Variants in KCNH7 observed in about 807,000 individuals in gnomAD.
The protein encoded by KCNH7 is voltage-gated inwardly rectifying potassium channel KCNH7.
A neutral mutation model predicts 120.8 loss-of-function variants in KCNH7; 49 were observed. That is an observed-to-expected ratio of 0.41 (90% CI 0.32 to 0.51). The LOEUF is 0.51. Among genes scored for constraint, KCNH7 ranks in the 20% least tolerant of loss-of-function variants. KCNH7 has a pLI of 0.38. For missense variants in KCNH7, 1,097 were observed against 1,446.6 expected (o/e 0.76, Z 3.92); for synonymous variants, 547 against 516.1 (o/e 1.06, Z -0.81).
intron 2 of KCNH7, among the ~76,000 whole-genome samples, chr2:162,635,440 C>T (rs1285659221): frequency 3.3e-5 from 5 of 151,960 alleles, no homozygotes; most frequent in Admixed American, 2.6e-4. Context: ...GTAATCATTG[C>T]TTATTCCAGA....
At chr2:162,433,411 G>T (rs926595996) in intron 8 of KCNH7, among the ~76,000 whole-genome samples, 1 of 151,914 alleles carries the variant, frequency 6.6e-6, no homozygotes, top group Non-Finnish European at 1.5e-5. Flanking sequence ...AAACAGCATG[G>T]TACTGGTACA....
intron 2 of KCNH7, among the ~76,000 whole-genome samples, chr2:162,730,570 A>G (rs1687688846): frequency 6.6e-6 from 1 of 152,062 alleles, no homozygotes; most frequent in East Asian, 1.9e-4. Flanking sequence ...AATTAAGACA[A>G]TGGAAGTAAC....
intron 6 of KCNH7, among the ~76,000 whole-genome samples, chr2:162,484,430 C>A (rs1690027319): frequency 1.3e-5 from 2 of 152,110 alleles, no homozygotes; most frequent in African/African-American, 4.8e-5. Flanking sequence ...CAAACAATTG[C>A]TTTAAGACAG....
At chr2:162,386,196 C>T (rs139091087) in intron 12 of KCNH7, among the ~76,000 whole-genome samples, 162 of 152,004 alleles carry the variant, frequency 1.1e-3, no homozygotes, top group African/African-American at 3.8e-3. Context: ...TATATCCCTA[C>T]TCAATCACTA....
intron 2 of KCNH7, among the ~76,000 whole-genome samples, chr2:162,684,559 CA>C (rs1472391622): frequency 6.6e-6 from 1 of 152,104 alleles, no homozygotes; most frequent in Non-Finnish European, 1.5e-5. Context: ...AGACACTTCT[CA>C]AAAGAAGACA....
chr2:162,648,476 T>C (rs530493231), intron 2 of KCNH7, among the ~76,000 whole-genome samples: 4 of 152,284 alleles, frequency 2.6e-5, no homozygotes, highest in Non-Finnish European at 5.9e-5. Flanking sequence ...CCAAACCATA[T>C]CAACCACATC....
chr2:162,451,887 GC>G (rs1384320457), intron 6 of KCNH7, among the ~76,000 whole-genome samples: 2 of 151,934 alleles, frequency 1.3e-5, no homozygotes, highest in Non-Finnish European at 2.9e-5. Flanking sequence ...GTAGAAGCAG[GC>G]CAGCCCAGAT....
intron 4 of KCNH7, among the ~76,000 whole-genome samples, chr2:162,514,078 A>G (rs936139165): frequency 1.3e-5 from 2 of 151,828 alleles, no homozygotes; most frequent in Admixed American, 1.3e-4. Flanking sequence ...TCTGTTCAGC[A>G]TTTTGTTGAT....
chr2:162,431,570 A>T (rs1688070350), intron 8 of KCNH7, among the ~76,000 whole-genome samples: 1 of 151,910 alleles, frequency 6.6e-6, no homozygotes, highest in Non-Finnish European at 1.5e-5. Context: ...GTTCTCCAGG[A>T]GTACCTATAA....
At chr2:162,787,295 C>T (rs1416491587) in intron 2 of KCNH7, among the ~76,000 whole-genome samples, 1 of 152,212 alleles carries the variant, frequency 6.6e-6, no homozygotes, top group African/African-American at 2.4e-5. Flanking sequence ...TCCAGACTCA[C>T]CTTAGTGTCA....
intron 9 of KCNH7, among the ~76,000 whole-genome samples, chr2:162,420,453 C>T (rs955396203): frequency 2.6e-5 from 4 of 152,088 alleles, no homozygotes; most frequent in Non-Finnish European, 4.4e-5. Flanking sequence ...ATTATTCTGG[C>T]CCATTTCCTT....
chr2:162,486,487 T>C (rs1690097457), intron 6 of KCNH7, among the ~76,000 whole-genome samples: 1 of 152,186 alleles, frequency 6.6e-6, no homozygotes, highest in South Asian at 2.1e-4. Context: ...GAAATATATG[T>C]GGCATTTCTT....
chr2:162,505,145 C>A (rs1690826818), intron 5 of KCNH7, among the ~76,000 whole-genome samples: 1 of 151,856 alleles, frequency 6.6e-6, no homozygotes, highest in African/African-American at 2.4e-5. Context: ...CATCTAGGCT[C>A]TTCATATGTT....
chr2:162,495,410 G>A (rs992075747), intron 6 of KCNH7, among the ~76,000 whole-genome samples: 6 of 152,140 alleles, frequency 3.9e-5, no homozygotes, highest in Non-Finnish European at 7.3e-5. Flanking sequence ...AGGTATTTCA[G>A]AGTACAAATC....
At chr2:162,731,230 ATATG>A (rs201789597) in intron 2 of KCNH7, among the ~76,000 whole-genome samples, 1,355 of 135,292 alleles carry the variant, frequency 0.01, 20 homozygotes, top group African/African-American at 0.042. Context: ...ATATATATAT[ATATG>A]TGTGTGTGTG....
At chr2:162,421,341 G>A (rs1056941770) in intron 9 of KCNH7, among the ~76,000 whole-genome samples, 3 of 152,080 alleles carry the variant, frequency 2.0e-5, no homozygotes, top group East Asian at 1.9e-4. Flanking sequence ...TACCAGAGTC[G>A]GGATAGGGGC....
chr2:162,536,606 T>C (rs1019283475), intron 3 of KCNH7, among the ~76,000 whole-genome samples: 3 of 151,894 alleles, frequency 2.0e-5, no homozygotes, highest in Admixed American at 1.3e-4. Flanking sequence ...TCCAATAATA[T>C]ACATATGAAA....
intron 9 of KCNH7, among the ~76,000 whole-genome samples, chr2:162,404,487 G>A (rs965488408): frequency 6.6e-6 from 1 of 151,898 alleles, no homozygotes. Context: ...GAGGTGTTTG[G>A]TCATGGGGGT....
At chr2:162,488,413 A>G (rs1354182055) in intron 6 of KCNH7, among the ~76,000 whole-genome samples, 1 of 152,178 alleles carries the variant, frequency 6.6e-6, no homozygotes, top group Admixed American at 6.5e-5. Context: ...AACATGCCTC[A>G]GATACAAAAA....
Sources: gnomAD v4.1 joint callset for allele counts (sites outside exome capture counted in the v4.1 genomes callset) on GRCh38, gnomAD v4.1.1 for gene constraint, MANE v1.5 for transcripts, NCBI Gene and HGNC (gene_info 2026-07-23, HGNC 2026-07-21) for gene names.